Variants in ADD3 observed in about 807,000 individuals in gnomAD.
ADD3 encodes the protein gamma-adducin.
ADD3 carries 25 observed loss-of-function variants against 80.2 expected under a neutral mutation model. The observed-to-expected ratio is 0.31, with a 90% confidence interval of 0.23 to 0.44. The LOEUF is 0.44. Among genes scored for constraint, ADD3 ranks in the 20% least tolerant of loss-of-function variants. ADD3 has a pLI of 1.00. For synonymous variants in ADD3, 284 were observed against 289.6 expected, an observed-to-expected ratio of 0.98 and a Z score of 0.20; for missense variants, 829 against 847.5, an observed-to-expected ratio of 0.98 and a Z score of 0.27.
chr10:110,112,617 A>G (rs898892858), intron 2 of ADD3, among the ~76,000 whole-genome samples, 160 bp from the exon 3 acceptor site: 2 of 152,170 alleles, frequency 1.3e-5, no homozygotes. Flanking sequence ...TGCTTCTTGC[A>G]GTGCTTTGAT....
chr10:110,083,379 A>G (rs1369284525), intron 1 of ADD3, among the ~76,000 whole-genome samples: 1 of 152,052 alleles, frequency 6.6e-6, no homozygotes, highest in Non-Finnish European at 1.5e-5. Context: ...AGCCGGGCAT[A>G]GTGGCTGGCG....
intron 5 of ADD3, among the ~76,000 whole-genome samples, chr10:110,117,909 G>A (rs562437971): frequency 1.4e-4 from 21 of 151,980 alleles, no homozygotes; most frequent in African/African-American, 4.6e-4. Flanking sequence ...CCGGCTACTC[G>A]GGAGGCTGAG....
At chr10:110,012,554 C>T (rs1852451716) in intron 1 of ADD3, among the ~76,000 whole-genome samples, 1 of 152,164 alleles carries the variant, frequency 6.6e-6, no homozygotes, top group South Asian at 2.1e-4. Flanking sequence ...ATGAATGTGG[C>T]TTTCAGAGTT....
chr10:110,054,503 G>A (rs1275119067), intron 1 of ADD3, among the ~76,000 whole-genome samples: 2 of 146,926 alleles, frequency 1.4e-5, no homozygotes, highest in Admixed American at 6.9e-5. Context: ...GTGCAATGGC[G>A]CGATCTCGGC....
chr10:110,004,662 G>C (rs2132869418), upstream of ADD3, among the ~76,000 whole-genome samples: 1 of 151,968 alleles, frequency 6.6e-6, no homozygotes, highest in Non-Finnish European at 1.5e-5. Flanking sequence ...AGGGAACTAA[G>C]AACCAAATAA....
In ADD3 at chr10:110,124,150, A is replaced by G; in HGVS notation, c.1277A>G (p.Lys426Arg). Reference sequence around the variant, plus strand: ...GATACAGTGCCACTCTCTCCTCTCAAATACATGGCACAGAGGCAACAGCGT... The same window carrying G: ...GATACAGTGCCACTCTCTCCTCTCAGATACATGGCACAGAGGCAACAGCGT... ...EDDTVPLSPL[K>R]YMAQRQQREK... The change falls in exon 10 of 15, where the codon AAA becomes AGA. Residue 426 changes from lysine (K) to arginine (R), a missense_variant. Lys to Arg is a conservative substitution (Grantham distance 26). Coordinates refer to ENST00000356080, the MANE Select transcript of ADD3 (RefSeq NM_016824.5). 1 of 1,614,146 alleles carries G rather than the reference A, an allele frequency of 6.2e-7. No individual in the cohort carries two copies.
chr10:110,008,847 C>A (rs151047616), intron 1 of ADD3, among the ~76,000 whole-genome samples: 10 of 152,272 alleles, frequency 6.6e-5, no homozygotes, highest in African/African-American at 2.4e-4. Context: ...TCCCCACCCC[C>A]CAACACAGAC....
At chr10:110,053,322 T>C (rs1017442969) in intron 1 of ADD3, among the ~76,000 whole-genome samples, 1 of 151,996 alleles carries the variant, frequency 6.6e-6, no homozygotes, top group African/African-American at 2.4e-5. Context: ...CAAATGATAA[T>C]GGAATATAAA....
intron 1 of ADD3, among the ~76,000 whole-genome samples, chr10:110,059,135 A>G (rs1420435392): frequency 6.6e-6 from 1 of 152,114 alleles, no homozygotes; most frequent in Non-Finnish European, 1.5e-5. Flanking sequence ...TTTAAATTAT[A>G]TGTTGGTACC....
chr10:109,999,830 T>C (rs1851450739), intron 1 of ADD3, among the ~76,000 whole-genome samples: 1 of 151,406 alleles, frequency 6.6e-6, no homozygotes, highest in Non-Finnish European at 1.5e-5. Flanking sequence ...TATTATGTCA[T>C]ATGAAATAAT....
At chr10:110,085,196 A>G (rs929957698) in intron 1 of ADD3, among the ~76,000 whole-genome samples, 2 of 152,220 alleles carry the variant, frequency 1.3e-5, no homozygotes, top group African/African-American at 2.4e-5. Context: ...TTTTATCAGG[A>G]AAGAGCCTAG....
intron 12 of ADD3, among the ~76,000 whole-genome samples, chr10:110,129,147 TTTC>T (rs1386216210): frequency 2.7e-5 from 4 of 149,272 alleles, no homozygotes; most frequent in South Asian, 2.1e-4. Context: ...TCTTTCTTTC[TTTC>T]TTTTTTTTTT....
At chr10:110,115,101 AG>A (rs1386430547) in intron 3 of ADD3, among the ~76,000 whole-genome samples, 46 of 140,232 alleles carry the variant, frequency 3.3e-4, no homozygotes, top group African/African-American at 1.2e-3. Flanking sequence ...AAAAAAAAAA[AG>A]GGTGGGGCCA....
chr10:110,011,113 T>C (rs57239324), intron 1 of ADD3, among the ~76,000 whole-genome samples: 21,254 of 150,024 alleles, frequency 0.14, 1,868 homozygotes, highest in East Asian at 0.4. Flanking sequence ...GCTTACCAGA[T>C]ATGTAGGGCC....
chr10:110,041,992 T>A (rs904241074), intron 1 of ADD3, among the ~76,000 whole-genome samples: 14 of 152,314 alleles, frequency 9.2e-5, no homozygotes, highest in African/African-American at 3.4e-4. Context: ...GTTGGTAGCG[T>A]CTCTTGGGAT....
rs377588787 is a variant in ADD3, at chr10:110,022,943, A to T, written c.-30+14644A>T. 2.0e-5 allele frequency among the ~76,000 whole-genome samples: 3 copies of T among 152,242 alleles called. No homozygotes were observed. The East Asian group carries it at 5.8e-4, about 29-fold the overall frequency. On this transcript the variant is annotated intron_variant, in intron 1 of 14. Coordinates refer to ENST00000356080, the MANE Select transcript of ADD3 (RefSeq NM_016824.5). ...TATGGGAGAGGAAGTAGGAATAGTG[A>T]GGTTGAGAGGACCAGATCATGCAGG...
At chr10:110,098,831 A>G (rs933174211) in intron 1 of ADD3, among the ~76,000 whole-genome samples, 14 of 151,798 alleles carry the variant, frequency 9.2e-5, no homozygotes, top group Admixed American at 7.9e-4. Flanking sequence ...GGGTTTCACT[A>G]TGTTGGCCAG....
chr10:110,123,124 A>G (rs1263848473), intron 9 of ADD3, among the ~76,000 whole-genome samples: 1 of 152,232 alleles, frequency 6.6e-6, no homozygotes, highest in Non-Finnish European at 1.5e-5. Context: ...CCATCAATGG[A>G]CACTTAGGAT....
chr10:110,100,911 G>C (rs1451250029), intron 2 of ADD3, 63 bp downstream of exon 2: 2 of 1,449,850 alleles, frequency 1.4e-6, no homozygotes, highest in Non-Finnish European at 1.8e-6. Context: ...TAATAAGGTA[G>C]AAGTTTTCTC....
Sources: gnomAD v4.1 joint callset for allele counts (sites outside exome capture counted in the v4.1 genomes callset) on GRCh38, gnomAD v4.1.1 for gene constraint, MANE v1.5 for transcripts, NCBI Gene and HGNC (gene_info 2026-07-23, HGNC 2026-07-21) for gene names.